Variants in STXBP5L observed in about 807,000 individuals in gnomAD.
STXBP5L encodes the protein syntaxin-binding protein 5-like.
STXBP5L carries 65 observed loss-of-function variants against 144.5 expected under a neutral mutation model. The observed-to-expected ratio is 0.45, with a 90% CI of 0.37 to 0.55. STXBP5L has a LOEUF of 0.55. STXBP5L is among the 20% of genes least tolerant of loss of function. The pLI, the probability that STXBP5L is intolerant of heterozygous loss-of-function variation, is 0.00. For missense variants in STXBP5L, 1,298 were observed against 1,405.5 expected (o/e 0.92, Z 1.22); for synonymous variants, 505 against 469.6 (o/e 1.08, Z -0.97).
At chr3:121,335,264 CT>C (rs2044466074) in intron 20 of STXBP5L, among the ~76,000 whole-genome samples, 2 of 152,074 alleles carry the variant, frequency 1.3e-5, no homozygotes, top group Non-Finnish European at 2.9e-5. Flanking sequence ...GGTGAAAGAT[CT>C]CTACAATGAA....
intron 9 of STXBP5L, chr3:121,158,677 G>C (rs553931376): frequency 6.6e-6 from 1 of 152,186 alleles, no homozygotes; most frequent in East Asian, 1.9e-4. Context: ...TACCACTCAG[G>C]ATTAACTATT....
Position 121,163,636 on chromosome 3 carries a change from A to G in STXBP5L, c.877+6009A>G, listed in dbSNP as rs1358290896. Reference sequence around the variant, plus strand: ...ATTACAGGGTTTTTAAAATTAGATGAGCAAATATGTAGCAAAGATAAACAC... The same window carrying G: ...ATTACAGGGTTTTTAAAATTAGATGGGCAAATATGTAGCAAAGATAAACAC... On this transcript the variant is annotated intron_variant, in intron 9 of 26. Coordinates refer to ENST00000471454, the MANE Select transcript of STXBP5L (RefSeq NM_001308330.2). 3.9e-5 allele frequency among the ~76,000 whole-genome samples: 6 copies of G among 152,206 alleles called. No homozygotes were observed. In the East Asian group the frequency reaches 9.6e-4, roughly 24 times the overall value.
intron 3 of STXBP5L, among the ~76,000 whole-genome samples, chr3:120,987,238 A>G (rs1942374185): frequency 6.6e-6 from 1 of 152,002 alleles, no homozygotes; most frequent in Non-Finnish European, 1.5e-5. Flanking sequence ...TGTTCCCACC[A>G]GCAGTGTATG....
At chr3:121,276,076 T>C (rs1050912408) in intron 18 of STXBP5L, among the ~76,000 whole-genome samples, 4 of 151,820 alleles carry the variant, frequency 2.6e-5, no homozygotes, top group Non-Finnish European at 2.9e-5. Flanking sequence ...CTCCCCCTTT[T>C]TTTTTTCTTC....
At chr3:121,365,378 A>G (rs1002522804) in intron 20 of STXBP5L, among the ~76,000 whole-genome samples, 1 of 150,526 alleles carries the variant, frequency 6.6e-6, no homozygotes, top group Admixed American at 6.7e-5. Flanking sequence ...GAGTGAAGCC[A>G]ACAGGTTCAG....
intron 8 of STXBP5L, among the ~76,000 whole-genome samples, chr3:121,155,836 A>G (rs2046093921): frequency 6.6e-6 from 1 of 151,846 alleles, no homozygotes; most frequent in African/African-American, 2.4e-5. Flanking sequence ...TTATTTAGCT[A>G]TTGTTTTTAT....
chr3:120,965,478 C>G (rs1002782493), intron 3 of STXBP5L, among the ~76,000 whole-genome samples: 1 of 152,108 alleles, frequency 6.6e-6, no homozygotes, highest in African/African-American at 2.4e-5. Flanking sequence ...CCTGGTGTGA[C>G]AAAATTTCTG....
intron 20 of STXBP5L, among the ~76,000 whole-genome samples, chr3:121,365,551 G>T (rs907889913): frequency 6.6e-6 from 1 of 151,514 alleles, no homozygotes; most frequent in Non-Finnish European, 1.5e-5. Context: ...TATGCAATTT[G>T]TTGGCATACA....
At chr3:120,942,661 A>T (rs1710629577) in intron 2 of STXBP5L, among the ~76,000 whole-genome samples, 1 of 151,264 alleles carries the variant, frequency 6.6e-6, no homozygotes, top group Admixed American at 6.6e-5. Flanking sequence ...CTACCTAGAT[A>T]ATTTACCACA....
chr3:120,922,030 T>C (rs1709383672), intron 2 of STXBP5L, among the ~76,000 whole-genome samples: 1 of 152,006 alleles, frequency 6.6e-6, no homozygotes, highest in Admixed American at 6.5e-5. Context: ...GAGATTGCAT[T>C]GAATCTGTAA....
intron 11 of STXBP5L, among the ~76,000 whole-genome samples, chr3:121,232,815 G>A (rs188925473): frequency 4.3e-4 from 66 of 152,250 alleles, no homozygotes; most frequent in Middle Eastern, 3.4e-3. Context: ...TATAGTCAGC[G>A]CGTAATAAGT....
chr3:121,045,149 T>G (rs1286678258), intron 4 of STXBP5L, among the ~76,000 whole-genome samples: 1 of 152,078 alleles, frequency 6.6e-6, no homozygotes, highest in South Asian at 2.1e-4. Context: ...AGAAAAACCT[T>G]TAATGGCCAT....
intron 3 of STXBP5L, among the ~76,000 whole-genome samples, chr3:121,016,114 A>G (rs572750084): frequency 6.6e-6 from 1 of 152,346 alleles, no homozygotes; most frequent in East Asian, 1.9e-4. Flanking sequence ...AAGTGCACTT[A>G]CACAGATTAA....
At position 121,109,528 on chromosome 3, in the gene STXBP5L, G is replaced by T. The variant is rs374385039; in HGVS notation, c.471-5397G>T. 1.6e-4 allele frequency among the ~76,000 whole-genome samples: 24 copies of T among 152,206 alleles called. No individual in the cohort carries two copies. In the East Asian group the frequency reaches 1.7e-3, roughly 11 times the overall value. On this transcript the variant is annotated intron_variant, in intron 5 of 26. Coordinates refer to ENST00000471454, the MANE Select transcript of STXBP5L (RefSeq NM_001308330.2). ...TCGTTGCATTTCCAGTTAGTTGTATGGGTTTGACTGTGTTTCTTAATCTTG... is the reference window on the plus strand; with the variant it reads ...TCGTTGCATTTCCAGTTAGTTGTATTGGTTTGACTGTGTTTCTTAATCTTG...
At chr3:121,132,163 C>A (rs960637818) in intron 7 of STXBP5L, among the ~76,000 whole-genome samples, 3 of 152,180 alleles carry the variant, frequency 2.0e-5, no homozygotes, top group African/African-American at 7.2e-5. Context: ...CAGCAAATTG[C>A]GCTGATAAAC....
At chr3:121,300,535 TAGG>T (rs1282338676) in intron 19 of STXBP5L, among the ~76,000 whole-genome samples, 3 of 152,056 alleles carry the variant, frequency 2.0e-5, no homozygotes, top group African/African-American at 7.2e-5. Flanking sequence ...TTTTTCAACA[TAGG>T]AGAAGTGATG....
chr3:121,035,399 TA>T (rs1946681073), intron 3 of STXBP5L, among the ~76,000 whole-genome samples: 1 of 152,082 alleles, frequency 6.6e-6, no homozygotes, highest in South Asian at 2.1e-4. Flanking sequence ...TAGTGAGAGA[TA>T]GGGGTCCAGT....
chr3:121,176,208 C>T (rs2046926527), intron 9 of STXBP5L, among the ~76,000 whole-genome samples: 1 of 151,878 alleles, frequency 6.6e-6, no homozygotes, highest in African/African-American at 2.4e-5. Context: ...ACCTAACTGA[C>T]ATATATAGAA....
chr3:121,265,115 C>A (rs149609839), intron 18 of STXBP5L, among the ~76,000 whole-genome samples: 1 of 152,162 alleles, frequency 6.6e-6, no homozygotes. Flanking sequence ...AGCTCTGGAA[C>A]AAGTGGACCT....
Sources: allele counts gnomAD v4.1 joint callset (sites outside exome capture counted in the v4.1 genomes callset), GRCh38; gene constraint gnomAD v4.1.1; transcripts MANE v1.5; gene names NCBI Gene and HGNC (gene_info 2026-07-23, HGNC 2026-07-21).